C7orf33: variants seen among roughly 807,000 people sequenced by gnomAD.
C7orf33 encodes the protein uncharacterized protein C7orf33.
Under a neutral mutation model 13.4 loss-of-function variants are expected in C7orf33, and 15 were observed. The ratio of observed to expected loss-of-function variants is 1.12; its 90% CI spans 0.75 to 1.72. The LOEUF (loss-of-function observed/expected upper bound fraction) is 1.72, where lower values mean the gene tolerates loss of function less well. Ranked by LOEUF, C7orf33 falls within the 40% of genes most tolerant of loss-of-function variation. C7orf33 has a pLI of 0.00. For missense variants in C7orf33, 187 were observed against 220.3 expected (o/e 0.85, Z 0.96); for synonymous variants, 73 against 83.2 (o/e 0.88, Z 0.67).
chr7:148,590,824 C>T lies in C7orf33; in HGVS notation c.-102C>T, dbSNP rs949331465. 3 of 1,065,970 alleles carry T rather than the reference C, an allele frequency of 2.8e-6. No individual in the cohort carries two copies. The highest frequency in any genetic ancestry group is 4.3e-6 in the Non-Finnish European group (3 of 701,340). 66.0% of individuals were successfully genotyped at this position (1,065,970 alleles called of 1,614,324 possible). ...GAGGCGCCCAGCCTGTGTCTGAATC[C>T]TCCTACTGACCCTGGGGATCCGTGC... is the stretch of plus-strand genomic sequence containing the variant. On this transcript the variant is annotated 5_prime_UTR_variant, in exon 1 of 3. Transcript: ENST00000307003.
In C7orf33 at chr7:148,609,801, G is replaced by A. The variant is rs551081833; in HGVS notation, c.205-4241G>A. Among the ~76,000 whole-genome samples the A allele has an allele frequency of 6.6e-5, 10 of 152,314 alleles. No individual in the cohort carries two copies. In the East Asian group the frequency reaches 1.7e-3, roughly 26 times the overall value. On this transcript the variant is annotated intron_variant, in intron 1 of 2. Transcript: ENST00000307003. The stretch of plus-strand genomic sequence containing the variant: ...ATACTTGGCCGCTTAGTGGAGGGTG[G>A]AGGGTTGGAAAAAGTCAGGCCTCTG...
At chr7:148,596,456 A>C (rs1242869740) in intron 1 of C7orf33, among the ~76,000 whole-genome samples, 1 of 152,200 alleles carries the variant, frequency 6.6e-6, no homozygotes, top group East Asian at 1.9e-4. Context: ...AAATAAGTTT[A>C]ATTGGACTTA....
intron 1 of C7orf33, among the ~76,000 whole-genome samples, chr7:148,593,488 C>A (rs893774509): frequency 6.6e-6 from 1 of 152,088 alleles, no homozygotes; most frequent in Non-Finnish European, 1.5e-5. Flanking sequence ...TGGTCTCGAA[C>A]TCCTGACCTC....
chr7:148,592,471 A>G (rs1309090872), intron 1 of C7orf33, among the ~76,000 whole-genome samples: 4 of 152,204 alleles, frequency 2.6e-5, no homozygotes, highest in South Asian at 2.1e-4. Context: ...CCTTCCTTTT[A>G]AAGGATGCCA....
At chr7:148,595,382 T>C (rs1796319293) in intron 1 of C7orf33, among the ~76,000 whole-genome samples, 1 of 136,376 alleles carries the variant, frequency 7.3e-6, no homozygotes, top group African/African-American at 2.7e-5. Flanking sequence ...TAGATCTCTA[T>C]TATATAGATA....
At chr7:148,594,722 T>A (rs1796309230) in intron 1 of C7orf33, among the ~76,000 whole-genome samples, 1 of 152,134 alleles carries the variant, frequency 6.6e-6, no homozygotes, top group Admixed American at 6.6e-5. Flanking sequence ...AGGGAAAATA[T>A]GATGAAATTC....
chr7:148,603,501 G>A (rs118113347), intron 1 of C7orf33, among the ~76,000 whole-genome samples: 3,034 of 152,128 alleles, frequency 0.02, 39 homozygotes, highest in Middle Eastern at 0.031. Context: ...GCGAGACTCT[G>A]TCTCCAAAAA....
intron 1 of C7orf33, among the ~76,000 whole-genome samples, chr7:148,596,949 G>A (rs1013308933): frequency 1.1e-4 from 16 of 152,088 alleles, no homozygotes; most frequent in African/African-American, 3.6e-4. Context: ...TTCACTTAGC[G>A]ATATGCATTT....
chr7:148,615,044 T>A (rs60572167), intron 2 of C7orf33, among the ~76,000 whole-genome samples: 3,940 of 152,278 alleles, frequency 0.026, 184 homozygotes, highest in African/African-American at 0.089. Context: ...CGATTTTTTT[T>A]AATACTTTTT....
intron 1 of C7orf33, among the ~76,000 whole-genome samples, chr7:148,603,657 C>G (rs1179165995): frequency 6.6e-6 from 1 of 152,116 alleles, no homozygotes; most frequent in Non-Finnish European, 1.5e-5. Context: ...AATTATGGAT[C>G]CCACAGAAAC....
At chr7:148,591,423 G>A (rs1025130625) in intron 1 of C7orf33, among the ~76,000 whole-genome samples, 1 of 152,208 alleles carries the variant, frequency 6.6e-6, no homozygotes, top group Admixed American at 6.5e-5. Flanking sequence ...TTTTCACACA[G>A]TGTGGTAGAA....
At chr7:148,594,317 A>G (rs1031890542) in intron 1 of C7orf33, among the ~76,000 whole-genome samples, 2 of 151,816 alleles carry the variant, frequency 1.3e-5, no homozygotes, top group Admixed American at 1.3e-4. Context: ...CTGGGACTAC[A>G]GGCATCCGCC....
At chr7:148,593,156 A>G (rs1050988434) in intron 1 of C7orf33, among the ~76,000 whole-genome samples, 3 of 152,146 alleles carry the variant, frequency 2.0e-5, no homozygotes, top group Non-Finnish European at 4.4e-5. Context: ...ATTTAAATCT[A>G]ATTAGATCAC....
chr7:148,598,647 T>C (rs962659853), intron 1 of C7orf33, among the ~76,000 whole-genome samples: 4 of 143,346 alleles, frequency 2.8e-5, no homozygotes, highest in African/African-American at 1.1e-4. Flanking sequence ...TCTCTCTCCC[T>C]CTCTCTCTCT....
At chr7:148,596,010 T>C (rs1796334982) in intron 1 of C7orf33, among the ~76,000 whole-genome samples, 1 of 151,976 alleles carries the variant, frequency 6.6e-6, no homozygotes, top group African/African-American at 2.4e-5. Flanking sequence ...AATTAAATTT[T>C]TTTTTCAAAT....
rs111734752 is a variant in C7orf33 at position 148,613,776 on chromosome 7, T to C, written c.205-266T>C. On this transcript the variant is annotated intron_variant, in intron 1 of 2. Transcript: ENST00000307003. ...TTTCCTTGAATATACTGATAACCAC[T>C]GTAAACCTTGAATTGGTGTATTACC... 4.1e-3 allele frequency among the ~76,000 whole-genome samples: 622 copies of C among 152,368 alleles called. 5 individuals are homozygous for C. Among genetic ancestry groups the C allele is most frequent in the African/African-American group, 0.014 (587 of 41,584 alleles).
chr7:148,601,238 A>G (rs1796410124), intron 1 of C7orf33, among the ~76,000 whole-genome samples: 1 of 152,086 alleles, frequency 6.6e-6, no homozygotes, highest in Non-Finnish European at 1.5e-5. Context: ...CGGTGTTTTC[A>G]TTATTGCCTA....
rs1796593723 is a variant in C7orf33, at chr7:148,615,552, C to T, written c.*151C>T. 1.8e-6 allele frequency: 1 copy of T among 554,082 alleles called. No homozygotes were observed. Among genetic ancestry groups the T allele is most frequent in the Admixed American group, 2.9e-5 (1 of 33,924 alleles). The allele number at this position is 554,082 out of a possible 1,614,324, so 34.3% of individuals were successfully genotyped here. ...AGTCTGAACTTTGAACACCAGCAGACAGGCTGAGAATTCTCTTTGATCATG... is the reference window on the plus strand; with the variant it reads ...AGTCTGAACTTTGAACACCAGCAGATAGGCTGAGAATTCTCTTTGATCATG... On this transcript the variant is annotated 3_prime_UTR_variant, in exon 3 of 3. Transcript: ENST00000307003.
intron 1 of C7orf33, among the ~76,000 whole-genome samples, chr7:148,609,920 G>A (rs1399626993): frequency 6.6e-6 from 1 of 152,140 alleles, no homozygotes; most frequent in African/African-American, 2.4e-5. Context: ...AAATGGCTAA[G>A]TTAAAAACGG....
Sources: gnomAD v4.1 joint callset for allele counts (sites outside exome capture counted in the v4.1 genomes callset) on GRCh38, gnomAD v4.1.1 for gene constraint, MANE v1.5 for transcripts, NCBI Gene and HGNC (gene_info 2026-07-23, HGNC 2026-07-21) for gene names.